Variants in MLLT3 observed in about 807,000 individuals in gnomAD.
The protein encoded by MLLT3 is protein AF-9.
A neutral mutation model predicts 53.2 loss-of-function variants in MLLT3; 4 were observed. That is an observed-to-expected ratio of 0.08 (90% CI 0.04 to 0.17). MLLT3 has a LOEUF of 0.17. Ranked by LOEUF, MLLT3 falls within the 10% of genes least tolerant of loss-of-function variation. MLLT3 has a pLI of 1.00. For synonymous variants in MLLT3, 283 were observed against 230.6 expected (o/e 1.23, Z -2.06); for missense variants, 569 against 684.0 (o/e 0.83, Z 1.87).
Position 20,354,852 on chromosome 9 carries a change from G to C in MLLT3, c.1459C>G (p.Gln487Glu). The C allele has an allele frequency of 6.2e-7, 1 of 1,612,716 alleles. No homozygotes were observed. Among genetic ancestry groups the C allele is most frequent in the South Asian group, 1.1e-5 (1 of 91,020 alleles). ...TTTATTTGCTTATCTGATTTGCTTT[G>C]CTTTATTGGACTTTTCACTTCAAGA... ...QILEVKSPIK[Q>E]SKSDKQIKNG... Residue 487 changes from glutamine to glutamate, a missense_variant, in exon 9 of 11, where the codon CAA becomes GAA. Gln to Glu is a conservative substitution (Grantham distance 29). This residue lies in a region of MLLT3 where 437 missense variants were observed against 376.5 expected (regional missense o/e 1.16). Coordinates refer to ENST00000380338, the MANE Select transcript of MLLT3 (RefSeq NM_004529.4).
At chr9:20,517,910 G>C (rs1587015862) in intron 2 of MLLT3, among the ~76,000 whole-genome samples, 1 of 151,926 alleles carries the variant, frequency 6.6e-6, no homozygotes, top group Non-Finnish European at 1.5e-5. Flanking sequence ...AAGAGATGAA[G>C]ACTTGTCAGA....
At chr9:20,558,073 A>G (rs1163269755) in intron 2 of MLLT3, among the ~76,000 whole-genome samples, 1 of 152,162 alleles carries the variant, frequency 6.6e-6, no homozygotes, top group African/African-American at 2.4e-5. Flanking sequence ...AGTTGGTTGA[A>G]AACAGAAAAA....
intron 2 of MLLT3, among the ~76,000 whole-genome samples, chr9:20,492,381 T>C (rs1036398742): frequency 6.6e-6 from 1 of 151,988 alleles, no homozygotes; most frequent in Non-Finnish European, 1.5e-5. Flanking sequence ...AGTTCTTAGG[T>C]TGGATGGTCA....
At chr9:20,386,417 A>G (rs1190649333) in intron 5 of MLLT3, among the ~76,000 whole-genome samples, 1 of 152,220 alleles carries the variant, frequency 6.6e-6, no homozygotes, top group Non-Finnish European at 1.5e-5. Context: ...CTGACAAGTT[A>G]GCCTCTGAAT....
chr9:20,424,712 A>G (rs1586939703), intron 4 of MLLT3, among the ~76,000 whole-genome samples: 2 of 152,334 alleles, frequency 1.3e-5, no homozygotes, highest in South Asian at 4.1e-4. Flanking sequence ...TAGTGATAAC[A>G]ATAAACAATA....
chr9:20,507,742 G>GAAAAAAA (rs72452530), intron 2 of MLLT3, among the ~76,000 whole-genome samples: 44 of 84,524 alleles, frequency 5.2e-4, no homozygotes, highest in East Asian at 7.7e-4. Context: ...TCCCAAAATG[G>GAAAAAAA]AAAAAAAAAA....
chr9:20,505,363 A>T (rs1825357095), intron 2 of MLLT3, among the ~76,000 whole-genome samples: 1 of 152,240 alleles, frequency 6.6e-6, no homozygotes, highest in African/African-American at 2.4e-5. Flanking sequence ...CATCATGGTG[A>T]TCACCTTATT....
At chr9:20,497,828 A>G (rs991382323) in intron 2 of MLLT3, among the ~76,000 whole-genome samples, 3 of 152,192 alleles carry the variant, frequency 2.0e-5, no homozygotes, top group Non-Finnish European at 4.4e-5. Context: ...AATACCTACA[A>G]GCAGAATGAT....
At chr9:20,394,466 G>T (rs1054126754) in intron 5 of MLLT3, among the ~76,000 whole-genome samples, 1 of 152,126 alleles carries the variant, frequency 6.6e-6, no homozygotes, top group African/African-American at 2.4e-5. Context: ...CAGTGTCTTA[G>T]TTCTGATAGT....
At chr9:20,366,512 C>A (rs557731482) in intron 5 of MLLT3, among the ~76,000 whole-genome samples, 1 of 152,270 alleles carries the variant, frequency 6.6e-6, no homozygotes, top group African/African-American at 2.4e-5. Flanking sequence ...CATACGTGTG[C>A]ATGTGTCTTT....
Position 20,621,710 on chromosome 9 carries a change from G to GCGGCCCCGCCGCTGT in MLLT3, c.12+520_12+534dup, listed in dbSNP as rs1157530050. On this transcript the variant is annotated intron_variant, in intron 1 of 10. Transcript: ENST00000380338. This position sits in a 1 kb window ranked among gnomAD's most constrained non-coding sequence, Gnocchi z 7.0. ...TCCCGGCGCTGGGGCAAAGTTGCGT[G>GCGGCCCCGCCGCTGT]CGGCCCCGCCGCTGTCAGCCCCGCA... The GCGGCCCCGCCGCTGT allele has an allele frequency of 4.8e-6, 7 of 1,463,148 alleles. No individual in the cohort carries two copies. Among genetic ancestry groups the GCGGCCCCGCCGCTGT allele is most frequent in the African/African-American group, 3.0e-5 (2 of 67,674 alleles). 90.6% of individuals were successfully genotyped at this position (1,463,148 alleles called of 1,614,324 possible).
At chr9:20,496,051 T>A (rs749724580) in intron 2 of MLLT3, among the ~76,000 whole-genome samples, 1 of 152,204 alleles carries the variant, frequency 6.6e-6, no homozygotes, top group Non-Finnish European at 1.5e-5. Flanking sequence ...ATATGCAACA[T>A]GTCACACTTG....
intron 2 of MLLT3, among the ~76,000 whole-genome samples, chr9:20,484,002 T>C (rs969439651): frequency 2.0e-5 from 3 of 152,194 alleles, no homozygotes; most frequent in East Asian, 3.9e-4. Context: ...TGAGCCACCG[T>C]GCCCGGCCCA....
At chr9:20,446,142 T>G (rs192077632) in intron 4 of MLLT3, among the ~76,000 whole-genome samples, 12 of 152,348 alleles carry the variant, frequency 7.9e-5, no homozygotes, top group Admixed American at 3.3e-4. Context: ...AATGAATTTT[T>G]AAATGCTTAT....
At chr9:20,467,258 G>T (rs1265631861) in intron 2 of MLLT3, among the ~76,000 whole-genome samples, 1 of 151,984 alleles carries the variant, frequency 6.6e-6, no homozygotes, top group Non-Finnish European at 1.5e-5. Flanking sequence ...TGGGACTACA[G>T]GCTGCACCAC....
chr9:20,433,532 A>G (rs983474754), intron 4 of MLLT3, among the ~76,000 whole-genome samples: 1 of 152,176 alleles, frequency 6.6e-6, no homozygotes, highest in African/African-American at 2.4e-5. Flanking sequence ...GAATCAAGTA[A>G]TGGGTGTTAA....
chr9:20,358,493 C>T (rs534032267), intron 8 of MLLT3, among the ~76,000 whole-genome samples: 4 of 152,230 alleles, frequency 2.6e-5, no homozygotes, highest in African/African-American at 9.6e-5. Context: ...TAACTTTTAC[C>T]CTCTCCAGAT....
At chr9:20,466,536 C>CCTGA (rs1371277569) in intron 2 of MLLT3, among the ~76,000 whole-genome samples, 2 of 152,072 alleles carry the variant, frequency 1.3e-5, no homozygotes, top group East Asian at 3.8e-4. Flanking sequence ...TTCTCCCTAC[C>CCTGA]CTGACTATAG....
chr9:20,402,013 T>C (rs1346454934), intron 5 of MLLT3, among the ~76,000 whole-genome samples: 1 of 152,142 alleles, frequency 6.6e-6, no homozygotes, highest in Non-Finnish European at 1.5e-5. Flanking sequence ...TAACAGGTGA[T>C]TGTCCAGGGA....
Sources: gnomAD v4.1 joint callset for allele counts (sites outside exome capture counted in the v4.1 genomes callset) on GRCh38, gnomAD v4.1.1 for gene constraint, gnomAD v4.1.1 regional missense constraint, Gnocchi (gnomAD v3.1) non-coding constraint, MANE v1.5 for transcripts, NCBI Gene and HGNC (gene_info 2026-07-23, HGNC 2026-07-21) for gene names.